SHISAL1: variants seen among roughly 807,000 people sequenced by gnomAD.
SHISAL1 encodes the protein protein shisa-like-1.
SHISAL1 carries 9 observed loss-of-function variants against 22.6 expected under a neutral mutation model. The observed-to-expected ratio is 0.40, with a 90% CI of 0.24 to 0.70. The LOEUF (loss-of-function observed/expected upper bound fraction) is 0.70. Among genes scored for constraint, SHISAL1 ranks in the 30% least tolerant of loss-of-function variants. The pLI is 0.39. For missense variants in SHISAL1, 246 were observed against 270.6 expected (o/e 0.91, Z 0.64); for synonymous variants, 119 against 115.4 (o/e 1.03, Z -0.20).
intron 1 of SHISAL1, among the ~76,000 whole-genome samples, chr22:44,309,193 T>C (rs12162817): frequency 0.05 from 7,552 of 152,258 alleles, 573 homozygotes; most frequent in East Asian, 0.23. Flanking sequence ...AACGAGTCTC[T>C]ACTGTGGACC....
the SHISAL1 span, among the ~76,000 whole-genome samples, chr22:44,328,913 C>G: frequency 5.3e-5 from 8 of 152,182 alleles, no homozygotes; most frequent in African/African-American, 1.9e-4. Context: ...AGGCTTCAGC[C>G]GCCCTGCTGT....
chr22:44,248,504 G>C lies in SHISAL1; in HGVS notation c.*1181C>G, dbSNP rs558573976. The C allele has an allele frequency of 3.3e-5, 5 of 152,108 alleles. No individual in the cohort carries two copies. The highest frequency in any genetic ancestry group is 5.9e-5 in the Non-Finnish European group (4 of 68,030). The allele number at this position is 152,108 out of a possible 1,614,324, so 9.4% of individuals were successfully genotyped here. ...GATTAGCTCGGTGGGTGGATGTTACGGGCATGGAAGTCCTACTTGAAAGTG... is the reference window on the plus strand; with the variant it reads ...GATTAGCTCGGTGGGTGGATGTTACCGGCATGGAAGTCCTACTTGAAAGTG... On this transcript the variant is annotated 3_prime_UTR_variant, in exon 5 of 5. Coordinates refer to ENST00000381176, the MANE Select transcript of SHISAL1 (RefSeq NM_001099294.2).
At position 44,285,536 on chromosome 22, in the gene SHISAL1, T is replaced by G; in HGVS notation, c.491A>C (p.Gln164Pro). 6.2e-7 allele frequency: 1 copy of G among 1,612,998 alleles called. No individual in the cohort carries two copies. The highest frequency in any genetic ancestry group is 8.5e-7 in the Non-Finnish European group (1 of 1,179,300). Residue 164 changes from glutamine (Q) to proline (P), a missense_variant, in exon 4 of 5, where the codon CAG (glutamine) becomes CCG (proline). By Grantham distance (76) the Gln-to-Pro change is moderately conservative. Transcript: ENST00000381176. ...CAGCGGGCCTGGGGGAGGCTGCGGC[T>G]GTGGGGCCCGCTGACCCGGCCGAGG... Reference protein sequence around the residue: ...RAPRPGQRAPQPQPPPGPLPQ... With the variant: ...RAPRPGQRAPPPQPPPGPLPQ...
At chr22:44,272,344 G>A (rs1269291418) in intron 4 of SHISAL1, among the ~76,000 whole-genome samples, 1 of 152,204 alleles carries the variant, frequency 6.6e-6, no homozygotes, top group Non-Finnish European at 1.5e-5. Flanking sequence ...ATTTTTCCAA[G>A]CAAAGCCAGG....
intron 4 of SHISAL1, among the ~76,000 whole-genome samples, chr22:44,278,564 C>T (rs942513324): frequency 2.0e-5 from 3 of 152,148 alleles, no homozygotes; most frequent in South Asian, 2.1e-4. Context: ...GCAACATGAC[C>T]GCAGCCCCCA....
intron 4 of SHISAL1, among the ~76,000 whole-genome samples, chr22:44,275,306 A>G (rs1172941897): frequency 6.6e-6 from 1 of 152,050 alleles, no homozygotes; most frequent in Admixed American, 6.6e-5. Context: ...AACAAAACCA[A>G]CCACGCACCC....
the SHISAL1 span, among the ~76,000 whole-genome samples, chr22:44,324,984 TG>T: frequency 2.0e-5 from 3 of 152,166 alleles, no homozygotes; most frequent in Non-Finnish European, 4.4e-5. Flanking sequence ...GGCTCATGCC[TG>T]TAATCCCAGC....
chr22:44,253,463 C>G (rs532487846), intron 4 of SHISAL1, among the ~76,000 whole-genome samples: 25 of 137,558 alleles, frequency 1.8e-4, no homozygotes, highest in African/African-American at 5.9e-4. Context: ...CAGTGTCACT[C>G]TGTCGCCCAG....
intron 4 of SHISAL1, among the ~76,000 whole-genome samples, chr22:44,260,268 T>C (rs903792906): frequency 6.6e-6 from 1 of 152,232 alleles, no homozygotes; most frequent in African/African-American, 2.4e-5. Context: ...TTCTTTCTAC[T>C]AGACCTCGTT....
At position 44,249,231 on chromosome 22, in the gene SHISAL1, G is replaced by GCA. The variant is rs959009383; in HGVS notation, c.*452_*453dup. On this transcript the variant is annotated 3_prime_UTR_variant, in exon 5 of 5. Coordinates refer to ENST00000381176, the MANE Select transcript of SHISAL1 (RefSeq NM_001099294.2). ...AAAGAACACCCCAAATCACACACAC[G>GCA]CACACACACACGCACATTCAATATT... 11 of 155,184 alleles carry GCA rather than the reference G, an allele frequency of 7.1e-5. No homozygotes were observed. The highest frequency in any genetic ancestry group is 3.8e-4 in the East Asian group (2 of 5,316). 9.6% of individuals were successfully genotyped at this position (155,184 alleles called of 1,614,324 possible). A position where few individuals can be genotyped will look rare whatever the true frequency, so the allele number is the denominator to read the frequency against.
intron 4 of SHISAL1, among the ~76,000 whole-genome samples, chr22:44,266,815 T>G (rs938132934): frequency 1.3e-5 from 2 of 151,988 alleles, no homozygotes; most frequent in African/African-American, 4.8e-5. Context: ...GCTCCCCTGG[T>G]CTCCAGGAAA....
intron 3 of SHISAL1, among the ~76,000 whole-genome samples, 160 bp downstream of exon 3, chr22:44,296,512 C>T (rs1167698059): frequency 1.3e-5 from 2 of 152,136 alleles, no homozygotes; most frequent in African/African-American, 2.4e-5. Context: ...CACAATGGGC[C>T]GAAAACCCTG....
intron 1 of SHISAL1, among the ~76,000 whole-genome samples, chr22:44,307,150 C>A (rs2055485306): frequency 6.6e-6 from 1 of 152,178 alleles, no homozygotes; most frequent in Non-Finnish European, 1.5e-5. Flanking sequence ...GTCCTCCATC[C>A]TCCTGTGGGC....
intron 1 of SHISAL1, among the ~76,000 whole-genome samples, chr22:44,311,765 G>A (rs1296151512): frequency 6.6e-6 from 1 of 152,234 alleles, no homozygotes; most frequent in Non-Finnish European, 1.5e-5. Context: ...CACAGGGCGA[G>A]GGGCTCAGGC....
At chr22:44,301,101 G>C (rs1242558647) in intron 1 of SHISAL1, 124 bp from the exon 2 acceptor site, 1 of 619,242 alleles carries the variant, frequency 1.6e-6, no homozygotes, top group Non-Finnish European at 2.9e-6. Context: ...GGGAGCAGGG[G>C]CCGGGTGCGG....
intron 4 of SHISAL1, among the ~76,000 whole-genome samples, chr22:44,278,094 G>GGC (rs1270715650): frequency 6.6e-6 from 1 of 152,190 alleles, no homozygotes; most frequent in East Asian, 1.9e-4. Flanking sequence ...TGAGTCAGTG[G>GGC]GCTGGGGAAG....
At chr22:44,291,218 T>C (rs1601796632) in intron 3 of SHISAL1, among the ~76,000 whole-genome samples, 1 of 152,300 alleles carries the variant, frequency 6.6e-6, no homozygotes, top group Admixed American at 6.5e-5. Context: ...TACGGCCTTG[T>C]CACAGAATGC....
chr22:44,331,063 C>T, the SHISAL1 span, among the ~76,000 whole-genome samples: 1 of 152,114 alleles, frequency 6.6e-6, no homozygotes, highest in African/African-American at 2.4e-5. This position sits in a 1 kb window ranked among gnomAD's most constrained non-coding sequence, Gnocchi z 5.2. Context: ...CCAGTCCCCC[C>T]CTTGGACGCG....
rs535726700 is a variant in SHISAL1 at position 44,245,878 on chromosome 22, G to A, written c.*3807C>T. 6.6e-6 allele frequency: 1 copy of A among 152,372 alleles called. No homozygotes were observed. Among genetic ancestry groups the A allele is most frequent in the East Asian group, 1.9e-4 (1 of 5,190 alleles). 9.4% of individuals were successfully genotyped at this position (152,372 alleles called of 1,614,324 possible). A position where few individuals can be genotyped will look rare whatever the true frequency, so the allele number is the denominator to read the frequency against. On this transcript the variant is annotated 3_prime_UTR_variant, in exon 5 of 5. Transcript: ENST00000381176. ...GACTGAATCTTTCTGATGATGAGGGGAGATGCCACTCACCCTGGGAACACT... is the reference window on the plus strand; with the variant it reads ...GACTGAATCTTTCTGATGATGAGGGAAGATGCCACTCACCCTGGGAACACT...
Sources: allele counts gnomAD v4.1 joint callset (sites outside exome capture counted in the v4.1 genomes callset), GRCh38; gene constraint gnomAD v4.1.1; non-coding constraint Gnocchi (gnomAD v3.1); transcripts MANE v1.5; gene names NCBI Gene and HGNC (gene_info 2026-07-23, HGNC 2026-07-21).